Variants in SCHIP1 observed in about 807,000 individuals in gnomAD.
The protein encoded by SCHIP1 is schwannomin interacting protein 1, also known as schwannomin-interacting protein 1.
Under a neutral mutation model 29.7 loss-of-function variants are expected in SCHIP1, and 8 were observed. The ratio of observed to expected loss-of-function variants is 0.27; its 90% CI spans 0.16 to 0.49. The LOEUF is 0.49. SCHIP1 is among the 20% of genes least tolerant of loss of function. SCHIP1 has a pLI of 0.99. For synonymous variants in SCHIP1, 76 were observed against 94.9 expected (o/e 0.80, Z 1.16); for missense variants, 193 against 294.6 (o/e 0.66, Z 2.52).
chr3:159,414,132 A>AAT, the SCHIP1 span, among the ~76,000 whole-genome samples: 1 of 152,228 alleles, frequency 6.6e-6, no homozygotes, highest in African/African-American at 2.4e-5. Context: ...CCTTCTTACT[A>AAT]TTCTTGCATC....
the SCHIP1 span, among the ~76,000 whole-genome samples, chr3:159,456,103 T>A: frequency 6.6e-6 from 1 of 152,146 alleles, no homozygotes; most frequent in Non-Finnish European, 1.5e-5. Context: ...TCAGATGGTT[T>A]CAGGCCCAGT....
At chr3:159,421,582 C>T in the SCHIP1 span, among the ~76,000 whole-genome samples, 5 of 152,164 alleles carry the variant, frequency 3.3e-5, no homozygotes, top group Non-Finnish European at 1.5e-5. Flanking sequence ...ACAGATATGT[C>T]TAATGCCAGG....
chr3:159,476,289 G>A, the SCHIP1 span, among the ~76,000 whole-genome samples: 1 of 152,106 alleles, frequency 6.6e-6, no homozygotes, highest in East Asian at 1.9e-4. Context: ...ATGATATATA[G>A]TATGCCATTG....
the SCHIP1 span, among the ~76,000 whole-genome samples, chr3:159,385,588 ACC>A: frequency 3.7e-4 from 22 of 59,794 alleles, no homozygotes; most frequent in African/African-American, 1.4e-3. Flanking sequence ...AAAAAAAAAA[ACC>A]AAAAAAAAAA....
chr3:159,845,670 C>G (rs963960722), intron 1 of SCHIP1: 1 of 152,278 alleles, frequency 6.6e-6, no homozygotes, highest in Non-Finnish European at 1.5e-5. Context: ...TCGTGAGCCA[C>G]CGCGCCTGGC....
the SCHIP1 span, among the ~76,000 whole-genome samples, chr3:159,817,837 C>A: frequency 6.6e-6 from 1 of 152,172 alleles, no homozygotes; most frequent in African/African-American, 2.4e-5. Context: ...TTGGTTTGAA[C>A]GGCCTTGGGA....
At chr3:159,820,051 G>A in the SCHIP1 span, among the ~76,000 whole-genome samples, 1 of 152,210 alleles carries the variant, frequency 6.6e-6, no homozygotes, top group South Asian at 2.1e-4. Context: ...ATTTCTGGCA[G>A]TTTTTTGGGG....
upstream of SCHIP1, among the ~76,000 whole-genome samples, chr3:159,836,507 A>G (rs929633879): frequency 1.1e-4 from 16 of 152,208 alleles, no homozygotes; most frequent in African/African-American, 3.4e-4. Flanking sequence ...ATTGTTTTCT[A>G]TGGAACACAC....
At chr3:159,411,268 C>T in the SCHIP1 span, among the ~76,000 whole-genome samples, 7 of 152,036 alleles carry the variant, frequency 4.6e-5, no homozygotes. Context: ...TTAAAAATAA[C>T]TAAAAGACTA....
At chr3:159,712,241 T>G in the SCHIP1 span, among the ~76,000 whole-genome samples, 2 of 152,180 alleles carry the variant, frequency 1.3e-5, no homozygotes, top group Admixed American at 6.5e-5. Context: ...AAATGTCCCT[T>G]TCAGCTATCC....
the SCHIP1 span, among the ~76,000 whole-genome samples, chr3:159,672,116 A>G: frequency 1.3e-5 from 2 of 152,198 alleles, no homozygotes; most frequent in Non-Finnish European, 2.9e-5. Context: ...AAAAACTATT[A>G]GTCATTACAG....
At chr3:159,833,144 T>C in the SCHIP1 span, among the ~76,000 whole-genome samples, 1 of 152,202 alleles carries the variant, frequency 6.6e-6, no homozygotes, top group Non-Finnish European at 1.5e-5. Flanking sequence ...AACAAAGTCT[T>C]CCAAATTTAG....
chr3:159,464,550 C>G, the SCHIP1 span, among the ~76,000 whole-genome samples: 4 of 151,940 alleles, frequency 2.6e-5, no homozygotes, highest in Admixed American at 6.6e-5. Context: ...GGTGATAAGA[C>G]CATATTAAAA....
At chr3:159,641,182 G>A in the SCHIP1 span, among the ~76,000 whole-genome samples, 1 of 152,106 alleles carries the variant, frequency 6.6e-6, no homozygotes, top group Non-Finnish European at 1.5e-5. Flanking sequence ...ATAATAAAAT[G>A]AAGTTCTTGT....
At chr3:159,349,916 C>G in the SCHIP1 span, among the ~76,000 whole-genome samples, 1 of 152,260 alleles carries the variant, frequency 6.6e-6, no homozygotes, top group Admixed American at 6.5e-5. Flanking sequence ...TAAGCTCTAT[C>G]AAAACATTTT....
chr3:159,453,648 T>C, the SCHIP1 span, among the ~76,000 whole-genome samples: 2 of 152,176 alleles, frequency 1.3e-5, no homozygotes, highest in African/African-American at 2.4e-5. Flanking sequence ...TAAAGGGATG[T>C]AAAAGCAAAT....
chr3:159,651,628 G>A, the SCHIP1 span, among the ~76,000 whole-genome samples: 558 of 152,284 alleles, frequency 3.7e-3, no homozygotes, highest in African/African-American at 0.013. Context: ...CCTCTGTAGA[G>A]AGCAGTTGCA....
At chr3:159,311,209 G>GA in the SCHIP1 span, among the ~76,000 whole-genome samples, 1 of 151,938 alleles carries the variant, frequency 6.6e-6, no homozygotes, top group East Asian at 1.9e-4. Flanking sequence ...ATCTGTTTTG[G>GA]AAAAAATGGT....
At chr3:159,287,422 G>T in the SCHIP1 span, among the ~76,000 whole-genome samples, 1 of 151,896 alleles carries the variant, frequency 6.6e-6, no homozygotes, top group East Asian at 1.9e-4. Flanking sequence ...TAAAACTGTT[G>T]ACTCTTCATG....
Sources: allele counts gnomAD v4.1 joint callset (sites outside exome capture counted in the v4.1 genomes callset), GRCh38; gene constraint gnomAD v4.1.1; transcripts MANE v1.5; gene names NCBI Gene and HGNC (gene_info 2026-07-23, HGNC 2026-07-21).